Variants in ZC3H18 observed in about 807,000 individuals in gnomAD.
ZC3H18 encodes zinc finger CCCH domain-containing protein 18.
In ZC3H18, 8 loss-of-function variants were observed where a neutral mutation model predicts 106.1. That is an observed-to-expected ratio of 0.08 (90% CI 0.04 to 0.14). The LOEUF is 0.14. Ranked by LOEUF, ZC3H18 falls within the 10% of genes least tolerant of loss-of-function variation. ZC3H18 has a pLI of 1.00. For synonymous variants in ZC3H18, 635 were observed against 522.1 expected, an observed-to-expected ratio of 1.22 and a Z score of -2.95; for missense variants, 1,318 against 1,278.4, an observed-to-expected ratio of 1.03 and a Z score of -0.47.
intron 15 of ZC3H18, among the ~76,000 whole-genome samples, 161 bp downstream of exon 15, chr16:88,628,280 C>T (rs754356395): frequency 3.9e-5 from 6 of 152,190 alleles, no homozygotes; most frequent in Non-Finnish European, 8.8e-5. Flanking sequence ...TCCATCTTTC[C>T]GGCCTGGGCT....
intron 7 of ZC3H18, among the ~76,000 whole-genome samples, chr16:88,609,759 C>T (rs1461842237): frequency 6.6e-6 from 1 of 151,622 alleles, no homozygotes; most frequent in East Asian, 1.9e-4. Context: ...ACCATCACAC[C>T]TGGCTAATTT....
At chr16:88,590,361 C>A (rs139520169) in intron 3 of ZC3H18, among the ~76,000 whole-genome samples, 71 of 152,272 alleles carry the variant, frequency 4.7e-4, no homozygotes, top group African/African-American at 1.7e-3. Flanking sequence ...TGGGAACACA[C>A]CTTGCTCACA....
intron 8 of ZC3H18, among the ~76,000 whole-genome samples, chr16:88,616,352 C>G (rs1905603418): frequency 6.6e-6 from 1 of 152,262 alleles, no homozygotes; most frequent in Non-Finnish European, 1.5e-5. Flanking sequence ...CCCTTTCTTT[C>G]CTTCCTGAAG....
intron 2 of ZC3H18, among the ~76,000 whole-genome samples, chr16:88,583,758 G>A (rs946473264): frequency 3.9e-5 from 6 of 152,154 alleles, no homozygotes; most frequent in African/African-American, 9.7e-5. Flanking sequence ...CAGTGTCCAC[G>A]TCAACTTGGC....
intron 6 of ZC3H18, among the ~76,000 whole-genome samples, chr16:88,608,182 C>G (rs1342787878): frequency 6.6e-6 from 1 of 152,106 alleles, no homozygotes; most frequent in Non-Finnish European, 1.5e-5. Context: ...GTTCTTGTGC[C>G]TCTAGTGGGC....
At chr16:88,610,357 G>C (rs891373700) in intron 7 of ZC3H18, among the ~76,000 whole-genome samples, 3 of 152,156 alleles carry the variant, frequency 2.0e-5, no homozygotes, top group African/African-American at 7.2e-5. Context: ...CTTGCAGAGG[G>C]AAGAGGGCCC....
At chr16:88,572,942 G>C (rs2142510450) in intron 1 of ZC3H18, among the ~76,000 whole-genome samples, 1 of 152,072 alleles carries the variant, frequency 6.6e-6, no homozygotes, top group East Asian at 1.9e-4. Context: ...ATTTTTAGTA[G>C]AGACAGGGGT....
At chr16:88,603,610 C>T (rs1478440943) in intron 6 of ZC3H18, among the ~76,000 whole-genome samples, 1 of 140,356 alleles carries the variant, frequency 7.1e-6, no homozygotes, top group African/African-American at 2.6e-5. Flanking sequence ...GGCAACAGAG[C>T]GAGACTCCGT....
chr16:88,628,203 A>T, intron 15 of ZC3H18, 84 bp downstream of exon 15: 1 of 1,512,392 alleles, frequency 6.6e-7, no homozygotes, highest in Non-Finnish European at 9.0e-7. Flanking sequence ...CTCCTGGGGG[A>T]CGGAGCCTGA....
rs1906357205 is a variant in ZC3H18 at position 88,627,072 on chromosome 16, T to C, written c.2109-550T>C. 6.6e-6 allele frequency: 1 copy of C among 152,466 alleles called. No homozygotes were observed. The highest frequency in any genetic ancestry group is 2.1e-4 in the South Asian group (1 of 4,842). The allele number at this position is 152,466 out of a possible 1,614,324, so 9.4% of individuals were successfully genotyped here. On this transcript the variant is annotated intron_variant, in intron 13 of 17. Coordinates refer to ENST00000301011, the MANE Select transcript of ZC3H18 (RefSeq NM_144604.4). The surrounding 1 kb of genome is among the most constrained non-coding windows in gnomAD (Gnocchi z 4.5). ...AAAAAGCAACCTGACATTCGTTTTG[T>C]TTTTTGTTTGTTTTGAGACGGAGTT...
At chr16:88,623,846 C>A (rs1036977520) in intron 10 of ZC3H18, 112 bp from the exon 11 acceptor site, 2 of 1,466,516 alleles carry the variant, frequency 1.4e-6, no homozygotes, top group Non-Finnish European at 1.8e-6. Context: ...AACTGAGGCA[C>A]ATAAATGGAA....
intron 6 of ZC3H18, among the ~76,000 whole-genome samples, chr16:88,603,939 C>T (rs965205037): frequency 6.6e-6 from 1 of 151,770 alleles, no homozygotes; most frequent in East Asian, 2.0e-4. Context: ...AGCCCCATTT[C>T]TTAAAATAAT....
chr16:88,620,877 G>C (rs1442444906), intron 8 of ZC3H18, among the ~76,000 whole-genome samples: 1 of 152,090 alleles, frequency 6.6e-6, no homozygotes, highest in Non-Finnish European at 1.5e-5. Flanking sequence ...TTTTTTGTTT[G>C]TTTTTTATAA....
chr16:88,571,005 T>C (rs1186962422), intron 1 of ZC3H18, among the ~76,000 whole-genome samples: 1 of 152,226 alleles, frequency 6.6e-6, no homozygotes, highest in Non-Finnish European at 1.5e-5. Flanking sequence ...ATGAACCTCC[T>C]GGAACTTGCT....
At chr16:88,580,712 G>C (rs1306407204) in intron 2 of ZC3H18, among the ~76,000 whole-genome samples, 1 of 152,184 alleles carries the variant, frequency 6.6e-6, no homozygotes, top group Non-Finnish European at 1.5e-5. Context: ...GATGGACTGG[G>C]AGCCCTGGGG....
chr16:88,627,438 C>T lies in ZC3H18; in HGVS notation c.2109-184C>T, dbSNP rs1906379415. The T allele has an allele frequency of 2.8e-6, 2 of 709,976 alleles. No individual in the cohort carries two copies. Among genetic ancestry groups the T allele is most frequent in the Non-Finnish European group, 4.4e-6 (2 of 457,122 alleles). The allele number at this position is 709,976 out of a possible 1,614,324, so 44.0% of individuals were successfully genotyped here. ...ATTGATTAGTGAAATGGGGCCCTGG[C>T]CTAGCCATGGGGACGTCCCTTACTT... is the stretch of plus-strand genomic sequence containing the variant. On this transcript the variant is annotated intron_variant, in intron 13 of 17. Transcript: ENST00000301011. This position sits in a 1 kb window ranked among gnomAD's most constrained non-coding sequence, Gnocchi z 4.5.
At chr16:88,601,431 G>A (rs1904745611) in intron 6 of ZC3H18, among the ~76,000 whole-genome samples, 1 of 152,186 alleles carries the variant, frequency 6.6e-6, no homozygotes, top group East Asian at 1.9e-4. Flanking sequence ...CGTGATCCTT[G>A]ACACTCTATT....
At chr16:88,629,648 G>A (rs955584652) in intron 16 of ZC3H18, among the ~76,000 whole-genome samples, 2 of 152,186 alleles carry the variant, frequency 1.3e-5, no homozygotes, top group Non-Finnish European at 2.9e-5. Flanking sequence ...TGAGTGACGA[G>A]GCAGATAGTG....
At chr16:88,624,249 T>TA in intron 11 of ZC3H18, 187 bp downstream of exon 11, 1 of 790,932 alleles carries the variant, frequency 1.3e-6, no homozygotes, top group Non-Finnish European at 2.0e-6. Flanking sequence ...GGGCCACCCT[T>TA]ACACAGCAGC....
Sources: allele counts gnomAD v4.1 joint callset (sites outside exome capture counted in the v4.1 genomes callset), GRCh38; gene constraint gnomAD v4.1.1; non-coding constraint Gnocchi (gnomAD v3.1); transcripts MANE v1.5; gene names NCBI Gene and HGNC (gene_info 2026-07-23, HGNC 2026-07-21).